The following PLXNA4 variants were observed in gnomAD, a reference collection of about 807,000 sequenced individuals.
PLXNA4 encodes plexin-A4.
A neutral mutation model predicts 191.8 loss-of-function variants in PLXNA4; 44 were observed. The observed-to-expected ratio is 0.23, with a 90% CI of 0.18 to 0.29. The LOEUF (loss-of-function observed/expected upper bound fraction) is 0.29, where lower values mean the gene tolerates loss of function less well. Ranked by LOEUF, PLXNA4 falls within the 10% of genes least tolerant of loss-of-function variation. PLXNA4 has a pLI of 1.00. For missense variants in PLXNA4, 1,800 were observed against 2,488.8 expected (o/e 0.72, Z 5.89); for synonymous variants, 1,082 against 1,009.5 (o/e 1.07, Z -1.36).
intron 1 of PLXNA4, among the ~76,000 whole-genome samples, chr7:132,519,478 T>C (rs544194992): frequency 6.6e-6 from 1 of 152,178 alleles, no homozygotes; most frequent in East Asian, 1.9e-4. Flanking sequence ...GGCTTGGGGG[T>C]CACCACAGGC....
At chr7:132,516,446 G>A (rs1290415256) in intron 1 of PLXNA4, among the ~76,000 whole-genome samples, 1 of 152,126 alleles carries the variant, frequency 6.6e-6, no homozygotes, top group East Asian at 1.9e-4. Context: ...TGCAGCAAAG[G>A]AAATCAGTAT....
intron 3 of PLXNA4, among the ~76,000 whole-genome samples, chr7:132,333,622 G>A (rs537416991): frequency 2.0e-5 from 3 of 152,188 alleles, no homozygotes; most frequent in Non-Finnish European, 4.4e-5. Flanking sequence ...AATCCAGGAG[G>A]TGTCTGGGTT....
At chr7:132,315,974 G>T (rs1325331777) in intron 3 of PLXNA4, among the ~76,000 whole-genome samples, 1 of 152,194 alleles carries the variant, frequency 6.6e-6, no homozygotes, top group Non-Finnish European at 1.5e-5. Context: ...CTTTCAAAGT[G>T]CTGGGCTTTA....
upstream of PLXNA4, chr7:132,577,126 G>C (rs1230626582): frequency 2.1e-5 from 3 of 146,308 alleles, no homozygotes; most frequent in Admixed American, 6.8e-5. Flanking sequence ...TGGTGGCTGC[G>C]GCGGCTGGCG....
In PLXNA4 at chr7:132,508,520, C is replaced by A; in HGVS notation, c.174G>T (p.Glu58Asp). ...AEGFNHLVVD[E>D]RTGHIYLGAV... is the part of the protein sequence containing the mutation. ...CCCCCAAGTAAATGTGTCCTGTCCTCTCATCCACCACCAGGTGATTGAAAC... is the reference window on the plus strand; with the variant it reads ...CCCCCAAGTAAATGTGTCCTGTCCTATCATCCACCACCAGGTGATTGAAAC... The change falls in exon 2 of 32, where the codon GAG becomes GAT. Residue 58 changes from glutamate (E) to aspartate (D), a missense_variant. By Grantham distance (45) the Glu-to-Asp change is conservative. Coordinates refer to ENST00000321063, the MANE Select transcript of PLXNA4 (RefSeq NM_020911.2). The surrounding 1 kb of genome is among the most constrained non-coding windows in gnomAD (Gnocchi z 4.4). The A allele has an allele frequency of 6.2e-7, 1 of 1,614,210 alleles. No homozygotes were observed. Among genetic ancestry groups the A allele is most frequent in the Non-Finnish European group, 8.5e-7 (1 of 1,180,046 alleles).
At chr7:132,365,344 T>TGC (rs1804114262) in intron 3 of PLXNA4, among the ~76,000 whole-genome samples, 1 of 118,702 alleles carries the variant, frequency 8.4e-6, no homozygotes. Flanking sequence ...TGTGTGTGTG[T>TGC]GTGTGTGTGT....
chr7:132,530,487 A>G (rs1799580594), intron 1 of PLXNA4, among the ~76,000 whole-genome samples: 1 of 152,236 alleles, frequency 6.6e-6, no homozygotes, highest in South Asian at 2.1e-4. Context: ...TAAATGGTCA[A>G]TCTGCATTTC....
upstream of PLXNA4, chr7:132,576,474 G>T (rs1802243655): frequency 1.0e-6 from 1 of 985,582 alleles, no homozygotes; most frequent in Non-Finnish European, 1.2e-6. This position sits in a 1 kb window ranked among gnomAD's most constrained non-coding sequence, Gnocchi z 5.8. Flanking sequence ...TGACACTGCA[G>T]ATGGAGCCTA....
At position 132,557,931 on chromosome 7, in the gene PLXNA4, G is replaced by C. The variant is rs540647236; in HGVS notation, c.-87+18491C>G. 6.0e-5 allele frequency among the ~76,000 whole-genome samples: 9 copies of C among 150,176 alleles called. No individual in the cohort carries two copies. In the East Asian group the frequency reaches 1.8e-3, roughly 29 times the overall value. Reference sequence around the variant, plus strand: ...CAGAAAACCAAGTTTAAGGTAGGGAGAGAGAGAGAGAGAGAGAGACAATCA... The same window carrying C: ...CAGAAAACCAAGTTTAAGGTAGGGACAGAGAGAGAGAGAGAGAGACAATCA... On this transcript the variant is annotated intron_variant, in intron 1 of 31. Coordinates refer to ENST00000321063, the MANE Select transcript of PLXNA4 (RefSeq NM_020911.2).
In PLXNA4 at chr7:132,508,414, T is replaced by C; in HGVS notation, c.280A>G (p.Lys94Glu). The C allele has an allele frequency of 6.2e-7, 1 of 1,614,156 alleles. No individual in the cohort carries two copies. The highest frequency in any genetic ancestry group is 1.7e-5 in the Admixed American group (1 of 60,012). The change falls in exon 2 of 32, where the codon AAG (lysine) becomes GAG (glutamate). Residue 94 changes from lysine (K) to glutamate (E), a missense_variant. Physicochemically the swap from Lys to Glu is moderately conservative, Grantham distance 56 (BLOSUM62 1). Around this residue, in one of 6 missense-constraint regions of PLXNA4, gnomAD observed 1,397 missense variants for 1,880.4 expected, o/e 0.74. Coordinates refer to ENST00000321063, the MANE Select transcript of PLXNA4 (RefSeq NM_020911.2). The surrounding 1 kb of genome is among the most constrained non-coding windows in gnomAD (Gnocchi z 4.4). ...TGGACGATGCGGGGTGGGTAACACT[T>C]GGGGTTGTCCTCGTCCGGCCCTGTC... is the stretch of plus-strand genomic sequence containing the variant. ...HETGPDEDNP[K>E]CYPPRIVQTC...
At chr7:132,275,739 A>C (rs1800251635) in intron 4 of PLXNA4, among the ~76,000 whole-genome samples, 2 of 151,820 alleles carry the variant, frequency 1.3e-5, no homozygotes. Context: ...TGGGTCTAGC[A>C]CTCCTCTAGC....
intron 22 of PLXNA4, among the ~76,000 whole-genome samples, chr7:132,166,097 T>G (rs1220288604): frequency 3.3e-5 from 5 of 151,970 alleles, no homozygotes; most frequent in Non-Finnish European, 7.4e-5. Flanking sequence ...CTTGGGAGGC[T>G]GAGGCAGGAG....
intron 4 of PLXNA4, among the ~76,000 whole-genome samples, chr7:132,248,300 C>T (rs1039997349): frequency 7.2e-5 from 11 of 152,168 alleles, no homozygotes; most frequent in African/African-American, 2.7e-4. Flanking sequence ...GCAGAACTGC[C>T]CAGCTGAGTT....
rs993551266 is a variant in PLXNA4, at chr7:132,146,511, T to C, written c.5054A>G (p.Lys1685Arg). 3 of 1,614,018 alleles carry C rather than the reference T, an allele frequency of 1.9e-6. No homozygotes were observed. Among genetic ancestry groups the C allele is most frequent in the Non-Finnish European group, 2.5e-6 (3 of 1,180,030 alleles). ...GCACCCAGTTCTCAAGTCTGATACC[T>C]TAGTGGCCAGGAGTCGGGTCAGGTA... ...EIYLTRLLAT[K>R]GTLQKFVDDL... Residue 1685 changes from lysine to arginine, a missense_variant and splice_region_variant, in exon 28 of 32, where the codon AAG (lysine) becomes AGG (arginine). Lys to Arg is a conservative substitution (Grantham distance 26). This residue lies in a region of PLXNA4 where 4 missense variants were observed against 22.8 expected (regional missense o/e 0.18). Transcript: ENST00000321063.
At chr7:132,564,703 TAACATC>T (rs1236171338) in intron 1 of PLXNA4, among the ~76,000 whole-genome samples, 2 of 152,244 alleles carry the variant, frequency 1.3e-5, no homozygotes, top group Non-Finnish European at 2.9e-5. Flanking sequence ...AAATATTTCA[TAACATC>T]ATATCAACCT....
chr7:132,160,351 A>C (rs182892184), intron 24 of PLXNA4, among the ~76,000 whole-genome samples: 28 of 152,360 alleles, frequency 1.8e-4, no homozygotes, highest in Admixed American at 3.3e-4. Flanking sequence ...TGCATAGTTC[A>C]GGGCCTCCAT....
chr7:132,507,306 C>T (rs773035935), intron 2 of PLXNA4, among the ~76,000 whole-genome samples, 200 bp downstream of exon 2: 12 of 152,218 alleles, frequency 7.9e-5, no homozygotes, highest in Non-Finnish European at 1.2e-4. Context: ...TCAGCTCCCA[C>T]TCTGACTCTT....
chr7:132,593,966 C>T (rs1802653937), intron 2 of PLXNA4, among the ~76,000 whole-genome samples: 1 of 152,188 alleles, frequency 6.6e-6, no homozygotes, highest in South Asian at 2.1e-4. Flanking sequence ...AAGGGAGCTC[C>T]GGGTGGTGAA....
At chr7:132,469,046 T>C (rs1425505614) in intron 3 of PLXNA4, among the ~76,000 whole-genome samples, 1 of 128,102 alleles carries the variant, frequency 7.8e-6, no homozygotes, top group African/African-American at 3.1e-5. Flanking sequence ...TCTCCACATA[T>C]CCCTCAGACT....
Sources: allele counts gnomAD v4.1 joint callset (sites outside exome capture counted in the v4.1 genomes callset), GRCh38; gene constraint gnomAD v4.1.1; regional missense constraint gnomAD v4.1.1; non-coding constraint Gnocchi (gnomAD v3.1); transcripts MANE v1.5; gene names NCBI Gene and HGNC (gene_info 2026-07-23, HGNC 2026-07-21).